Variants in ITGA2 observed in about 807,000 individuals in gnomAD.
ITGA2 encodes the protein integrin alpha-2.
ITGA2 carries 101 observed loss-of-function variants against 146.3 expected under a neutral mutation model. The ratio of observed to expected loss-of-function variants is 0.69; its 90% CI spans 0.59 to 0.81. The LOEUF (loss-of-function observed/expected upper bound fraction) is 0.81. Among genes scored for constraint, ITGA2 ranks in the 40% least tolerant of loss-of-function variants. The pLI, the probability that ITGA2 is intolerant of heterozygous loss-of-function variation, is 0.00. For missense variants in ITGA2, 1,281 were observed against 1,402.7 expected (o/e 0.91, Z 1.39); for synonymous variants, 477 against 487.1 (o/e 0.98, Z 0.27).
At chr5:53,004,689 A>T (rs901557747) in intron 1 of ITGA2, among the ~76,000 whole-genome samples, 1 of 152,110 alleles carries the variant, frequency 6.6e-6, no homozygotes, top group Non-Finnish European at 1.5e-5. Context: ...AGAAAATTGC[A>T]TCTTTCTTTT....
intron 7 of ITGA2, among the ~76,000 whole-genome samples, chr5:53,051,863 C>G (rs940006061): frequency 6.6e-6 from 1 of 152,240 alleles, no homozygotes; most frequent in African/African-American, 2.4e-5. Context: ...ATGGGGCAAT[C>G]TGTCATAATT....
intron 1 of ITGA2, among the ~76,000 whole-genome samples, chr5:52,989,753 CCTGT>C (rs1381729671): frequency 1.3e-5 from 2 of 151,968 alleles, no homozygotes; most frequent in African/African-American, 2.4e-5. Context: ...CGCGTCTCGC[CCTGT>C]CTGTTAAGCA....
At chr5:53,027,154 A>ATAGG (rs1397787157) in intron 2 of ITGA2, among the ~76,000 whole-genome samples, 2 of 152,184 alleles carry the variant, frequency 1.3e-5, no homozygotes, top group African/African-American at 4.8e-5. Flanking sequence ...AGGTAGATTG[A>ATAGG]TAGAATGATA....
chr5:53,019,723 C>G (rs561023132), intron 1 of ITGA2, among the ~76,000 whole-genome samples: 2 of 151,994 alleles, frequency 1.3e-5, no homozygotes, highest in South Asian at 4.2e-4. Context: ...ATGTGGTTTC[C>G]CCATCTTGGC....
intron 1 of ITGA2, among the ~76,000 whole-genome samples, chr5:52,999,202 T>C (rs1741448174): frequency 6.6e-6 from 1 of 152,176 alleles, no homozygotes; most frequent in African/African-American, 2.4e-5. Flanking sequence ...GAATACATTC[T>C]TTAAGATTAC....
chr5:53,010,362 T>C (rs1376845200), intron 1 of ITGA2, among the ~76,000 whole-genome samples: 1 of 152,204 alleles, frequency 6.6e-6, no homozygotes, highest in Non-Finnish European at 1.5e-5. Flanking sequence ...TTCTCAGGCC[T>C]TGAAATCTAA....
In ITGA2 at chr5:53,093,836, A is replaced by C. The variant is rs886060688; in HGVS notation, c.*3237A>C. 6 of 152,650 alleles carry C rather than the reference A, an allele frequency of 3.9e-5. No individual in the cohort carries two copies. Among genetic ancestry groups the C allele is most frequent in the Non-Finnish European group, 8.8e-5 (6 of 68,030 alleles). 9.5% of individuals were successfully genotyped at this position (152,650 alleles called of 1,614,324 possible). A position where few individuals can be genotyped will look rare whatever the true frequency, so the allele number is the denominator to read the frequency against. ...AAGGCTTATAAAATAGTAAGATAGT[A>C]AAATAGCTTATGAAGAAACTACAGA... On this transcript the variant is annotated 3_prime_UTR_variant, in exon 30 of 30. Coordinates refer to ENST00000296585, the MANE Select transcript of ITGA2 (RefSeq NM_002203.4).
intron 1 of ITGA2, among the ~76,000 whole-genome samples, chr5:53,023,151 G>A (rs963234904): frequency 6.6e-6 from 1 of 152,218 alleles, no homozygotes; most frequent in African/African-American, 2.4e-5. Flanking sequence ...TACTCTGGGT[G>A]ATAATAGGCT....
intron 7 of ITGA2, among the ~76,000 whole-genome samples, chr5:53,054,075 CATTATAGAATACAAAAAAGATTTTAGGA>C (rs1744515748): frequency 1.3e-5 from 2 of 152,024 alleles, no homozygotes; most frequent in Admixed American, 1.3e-4. Flanking sequence ...CTATAGTCTA[CATTATAGAATACAAAAAAGATTTTAGGA>C]AATAAAATGA....
At chr5:53,010,500 T>A (rs1056177760) in intron 1 of ITGA2, among the ~76,000 whole-genome samples, 1 of 152,176 alleles carries the variant, frequency 6.6e-6, no homozygotes, top group Middle Eastern at 3.2e-3. Flanking sequence ...TGGAAGCAAA[T>A]AACCTATTTT....
chr5:53,002,342 C>G (rs1434502657), intron 1 of ITGA2, among the ~76,000 whole-genome samples: 3 of 151,690 alleles, frequency 2.0e-5, no homozygotes, highest in Non-Finnish European at 4.4e-5. Context: ...TGTGGATTTT[C>G]TTTATAAAGT....
At chr5:53,068,161 G>A (rs1260316727) in intron 16 of ITGA2, among the ~76,000 whole-genome samples, 2 of 151,876 alleles carry the variant, frequency 1.3e-5, no homozygotes, top group Admixed American at 6.6e-5. Context: ...CAGGTTATTT[G>A]CCATAATTCA....
At chr5:53,070,036 A>T (rs1745318172) in intron 16 of ITGA2, 73 bp from the exon 17 acceptor site, 3 of 1,245,112 alleles carry the variant, frequency 2.4e-6, no homozygotes, top group Admixed American at 1.8e-5. Flanking sequence ...CCAAGAAGAC[A>T]CAATAAAGCA....
intron 1 of ITGA2, chr5:52,990,386 G>A (rs1561272170): frequency 6.6e-6 from 1 of 152,292 alleles, no homozygotes; most frequent in Non-Finnish European, 1.5e-5. Context: ...CTGGGGTGGA[G>A]AGCTTTTGTG....
chr5:53,001,659 A>T (rs1741591294), intron 1 of ITGA2, among the ~76,000 whole-genome samples: 1 of 152,052 alleles, frequency 6.6e-6, no homozygotes. Flanking sequence ...ATATAGCGAG[A>T]CTCTGTTTCT....
intron 26 of ITGA2, among the ~76,000 whole-genome samples, chr5:53,082,896 A>G (rs2112030123): frequency 6.6e-6 from 1 of 152,210 alleles, no homozygotes; most frequent in African/African-American, 2.4e-5. Context: ...TTGTTTAAAA[A>G]CCTAGGGAGT....
chr5:53,000,048 G>A (rs1275497165), intron 1 of ITGA2, among the ~76,000 whole-genome samples: 2 of 151,758 alleles, frequency 1.3e-5, no homozygotes, highest in African/African-American at 4.8e-5. Context: ...TACACTCAAG[G>A]GTTTAATTTT....
chr5:53,061,392 T>C (rs149982663), intron 12 of ITGA2, among the ~76,000 whole-genome samples: 39 of 152,052 alleles, frequency 2.6e-4, no homozygotes, highest in Non-Finnish European at 3.4e-4. Flanking sequence ...ATGGATATTA[T>C]TTAGTTGTGA....
At chr5:53,075,436 T>A in intron 23 of ITGA2, 132 bp downstream of exon 23, 1 of 775,300 alleles carries the variant, frequency 1.3e-6, no homozygotes, top group Non-Finnish European at 2.2e-6. Context: ...TCTTGTCAAC[T>A]AAAACAGGAG....
Sources: allele counts gnomAD v4.1 joint callset (sites outside exome capture counted in the v4.1 genomes callset), GRCh38; gene constraint gnomAD v4.1.1; transcripts MANE v1.5; gene names NCBI Gene and HGNC (gene_info 2026-07-23, HGNC 2026-07-21).